MAP1B: variants seen among roughly 807,000 people sequenced by gnomAD.
MAP1B encodes microtubule associated protein 1B, also known as microtubule-associated protein 1B.
A neutral mutation model predicts 176.1 loss-of-function variants in MAP1B; 12 were observed. The observed-to-expected ratio is 0.07, with a 90% CI of 0.04 to 0.11. The LOEUF is 0.11. MAP1B is among the 10% of genes least tolerant of loss of function. The pLI is 1.00. For synonymous variants in MAP1B, 1,044 were observed against 1,135.0 expected, an observed-to-expected ratio of 0.92 and a Z score of 1.61; for missense variants, 2,523 against 2,990.5, an observed-to-expected ratio of 0.84 and a Z score of 3.65.
chr5:72,175,321 G>C (rs1318303543), intron 2 of MAP1B, among the ~76,000 whole-genome samples: 1 of 151,972 alleles, frequency 6.6e-6, no homozygotes, highest in African/African-American at 2.4e-5. Flanking sequence ...TCACCTGACA[G>C]GTTACCCCAT....
Position 72,178,637 on chromosome 5 carries a change from T to G in MAP1B, c.287-5106T>G, listed in dbSNP as rs932160134. 5.9e-5 allele frequency among the ~76,000 whole-genome samples: 9 copies of G among 152,214 alleles called. No individual in the cohort carries two copies. The East Asian group carries it at 1.4e-3, about 23-fold the overall frequency. The stretch of plus-strand genomic sequence containing the variant: ...CAGGACCCTCCTCATCATCTCCCTT[T>G]CATACTGAGTAGAAATCAGAGGCTT... On this transcript the variant is annotated intron_variant, in intron 2 of 6. Transcript: ENST00000296755.
chr5:72,204,133 T>A lies in MAP1B; in HGVS notation c.7251+332T>A, dbSNP rs1294671828. Among the ~76,000 whole-genome samples, 1 of 152,174 alleles carries A rather than the reference T, an allele frequency of 6.6e-6. No homozygotes were observed. The highest frequency in any genetic ancestry group is 2.4e-5 in the African/African-American group (1 of 41,430). On this transcript the variant is annotated intron_variant, in intron 6 of 6. Transcript: ENST00000296755. The surrounding 1 kb of genome is among the most constrained non-coding windows in gnomAD (Gnocchi z 4.4). ...GTCTTGTGTGTGTGAATCAAAGCGGTCATATTTCCATATGAGAGCTCCTGA... is the reference window on the plus strand; with the variant it reads ...GTCTTGTGTGTGTGAATCAAAGCGGACATATTTCCATATGAGAGCTCCTGA...
At chr5:72,115,862 G>T (rs530118828) in intron 2 of MAP1B, 63 bp downstream of exon 2, 1 of 1,209,664 alleles carries the variant, frequency 8.3e-7, no homozygotes, top group East Asian at 2.3e-5. Flanking sequence ...AAGCTAGAAA[G>T]CTTTGTCTGA....
intron 2 of MAP1B, among the ~76,000 whole-genome samples, chr5:72,175,967 T>A (rs1746645472): frequency 6.6e-6 from 1 of 152,254 alleles, no homozygotes; most frequent in East Asian, 1.9e-4. Flanking sequence ...AGTTTTTTTA[T>A]TCTCTTAAGA....
chr5:72,179,867 C>T (rs1257306206), intron 2 of MAP1B: 1 of 985,464 alleles, frequency 1.0e-6, no homozygotes, highest in African/African-American at 1.7e-5. Context: ...AGTTGAATTC[C>T]TGGGCAAACT....
rs1747401304 is a variant in MAP1B, at chr5:72,204,540, G to A, written c.7252-544G>A. Among the ~76,000 whole-genome samples the A allele has an allele frequency of 6.6e-6, 1 of 152,064 alleles. No homozygotes were observed. Among genetic ancestry groups the A allele is most frequent in the Admixed American group, 6.5e-5 (1 of 15,272 alleles). ...TTTAATCATATGAAATCTAATGAGA[G>A]GCACCCAGTGGCTCCCTACTGAATG... On this transcript the variant is annotated intron_variant, in intron 6 of 6. Transcript: ENST00000296755. This position sits in a 1 kb window ranked among gnomAD's most constrained non-coding sequence, Gnocchi z 4.4.
intron 5 of MAP1B, 104 bp downstream of exon 5, chr5:72,200,471 G>T: frequency 7.2e-7 from 1 of 1,384,852 alleles, no homozygotes; most frequent in Non-Finnish European, 9.8e-7. Flanking sequence ...AGATGAGGGA[G>T]CACAATTGAT....
In MAP1B at chr5:72,195,511, A is replaced by G. The variant is rs761056770; in HGVS notation, c.2156A>G (p.Lys719Arg). 4.4e-6 allele frequency: 7 copies of G among 1,588,650 alleles called. No homozygotes were observed. The highest frequency in any genetic ancestry group is 6.0e-6 in the Non-Finnish European group (7 of 1,173,854). The part of the protein sequence containing the change: ...VKKEVKKEEK[K>R]EVKKEEKEPK... The stretch of plus-strand genomic sequence containing the variant: ...AAGGAAGTTAAGAAGGAAGAGAAGA[A>G]GGAAGTGAAAAAGGAAGAAAAGGAA... Residue 719 changes from lysine (K) to arginine (R), a missense_variant, in exon 5 of 7, where the codon AAG becomes AGG. This residue lies in a region of MAP1B where 1,925 missense variants were observed against 2,126.0 expected (regional missense o/e 0.91). Transcript: ENST00000296755.
Position 72,198,597 on chromosome 5 carries a change from G to A in MAP1B, c.5242G>A (p.Asp1748Asn). ...TCAGATCGCTTCTCCTCTCCAAGAAGATACTCTATCCGATGTTGCTCCTCC... is the reference window on the plus strand; with the variant it reads ...TCAGATCGCTTCTCCTCTCCAAGAAAATACTCTATCCGATGTTGCTCCTCC... ...PSQIASPLQE[D>N]TLSDVAPPRD... The change falls in exon 5 of 7, where the codon GAT becomes AAT. Residue 1748 changes from aspartate (D) to asparagine (N), a missense_variant. By Grantham distance (23) the Asp-to-Asn change is conservative. This residue lies in a region of MAP1B where 1,925 missense variants were observed against 2,126.0 expected (regional missense o/e 0.91). Transcript: ENST00000296755. The A allele has an allele frequency of 6.2e-7, 1 of 1,614,092 alleles. No homozygotes were observed.
At chr5:72,200,840 T>G (rs1747319761) in intron 5 of MAP1B, among the ~76,000 whole-genome samples, 2 of 152,156 alleles carry the variant, frequency 1.3e-5, no homozygotes, top group South Asian at 4.2e-4. Context: ...TAAAAAAAAT[T>G]TTTTTTAAAT....
In MAP1B at chr5:72,200,206, T is replaced by G; in HGVS notation, c.6851T>G (p.Val2284Gly). 1 of 1,614,146 alleles carries G rather than the reference T, an allele frequency of 6.2e-7. No individual in the cohort carries two copies. The highest frequency in any genetic ancestry group is 8.5e-7 in the Non-Finnish European group (1 of 1,180,020). The change falls in exon 5 of 7, where the codon GTG (valine) becomes GGG (glycine). Residue 2284 changes from valine to glycine, a missense_variant. By Grantham distance (109) the Val-to-Gly change is moderately radical (BLOSUM62 -3). Transcript: ENST00000296755. The part of the protein sequence containing the change: ...PAGLKESSDK[V>G]SRVASPKKKE... Reference sequence around the variant, plus strand: ...GGCTTGAAAGAATCCTCGGATAAAGTGTCCAGGGTGGCTTCTCCTAAGAAG... The same window carrying G: ...GGCTTGAAAGAATCCTCGGATAAAGGGTCCAGGGTGGCTTCTCCTAAGAAG...
Position 72,205,393 on chromosome 5 carries a change from A to C in MAP1B, c.*154A>C, listed in dbSNP as rs1747424572. On this transcript the variant is annotated 3_prime_UTR_variant, in exon 7 of 7. Transcript: ENST00000296755. ...TGTGTCATGGTGATGCAAGTCACTAAATTTCTCAGTTTTTGCTGATTGCTA... is the reference window on the plus strand; with the variant it reads ...TGTGTCATGGTGATGCAAGTCACTACATTTCTCAGTTTTTGCTGATTGCTA... 2 of 730,842 alleles carry C rather than the reference A, an allele frequency of 2.7e-6. No homozygotes were observed. The highest frequency in any genetic ancestry group is 3.6e-5 in the African/African-American group (2 of 55,800). 45.3% of individuals were successfully genotyped at this position (730,842 alleles called of 1,614,324 possible).
chr5:72,119,853 TC>T (rs1232372388), intron 2 of MAP1B, among the ~76,000 whole-genome samples: 1 of 152,222 alleles, frequency 6.6e-6, no homozygotes, highest in African/African-American at 2.4e-5. Flanking sequence ...TTAAATACTA[TC>T]ATAAAATTTT....
chr5:72,133,680 C>T (rs968221099), intron 2 of MAP1B, among the ~76,000 whole-genome samples: 1 of 152,086 alleles, frequency 6.6e-6, no homozygotes, highest in African/African-American at 2.4e-5. Flanking sequence ...GTTTAAATAA[C>T]AATGCTTTTA....
chr5:72,204,682 C>T lies in MAP1B; in HGVS notation c.7252-402C>T, dbSNP rs1462361778. The stretch of plus-strand genomic sequence containing the variant: ...TTCTCAGGACAAAATGTTAGTTACT[C>T]ACAATGAGTGGGCTTTTGAGGGCTT... On this transcript the variant is annotated intron_variant, in intron 6 of 6. Transcript: ENST00000296755. This position sits in a 1 kb window ranked among gnomAD's most constrained non-coding sequence, Gnocchi z 4.4. Among the ~76,000 whole-genome samples the T allele has an allele frequency of 2.0e-5, 3 of 152,164 alleles. No homozygotes were observed. Among genetic ancestry groups the T allele is most frequent in the African/African-American group, 4.8e-5 (2 of 41,454 alleles).
Position 72,186,617 on chromosome 5 carries a change from C to T in MAP1B, c.373C>T (p.Arg125Cys), listed in dbSNP as rs778270951. ...PSDEAVSTEV[R>C]LMITDAARHK... is the part of the protein sequence containing the mutation. ...TACGTTCTGTGCTTTATTTCAGGTG[C>T]GCTTAATGATCACTGATGCTGCCCG... The change falls in exon 4 of 7, where the codon CGC becomes TGC. Residue 125 changes from arginine (R) to cysteine (C), a missense_variant. Coordinates refer to ENST00000296755, the MANE Select transcript of MAP1B (RefSeq NM_005909.5). The surrounding 1 kb of genome is among the most constrained non-coding windows in gnomAD (Gnocchi z 4.3). 3.1e-6 allele frequency: 5 copies of T among 1,613,940 alleles called. No homozygotes were observed. The highest frequency in any genetic ancestry group is 4.2e-6 in the Non-Finnish European group (5 of 1,180,022).
chr5:72,163,290 G>A (rs759148866), intron 2 of MAP1B, among the ~76,000 whole-genome samples: 3 of 151,430 alleles, frequency 2.0e-5, no homozygotes, highest in Non-Finnish European at 2.9e-5. Context: ...AAGACTCACT[G>A]GACATACTGT....
intron 2 of MAP1B, among the ~76,000 whole-genome samples, chr5:72,142,834 A>C (rs982724695): frequency 3.3e-5 from 5 of 152,138 alleles, no homozygotes; most frequent in Non-Finnish European, 7.4e-5. Context: ...GTAGTGCGTA[A>C]ACATTTTCGA....
At chr5:72,181,057 G>A (rs543095497) in intron 2 of MAP1B, among the ~76,000 whole-genome samples, 27 of 152,138 alleles carry the variant, frequency 1.8e-4, no homozygotes, top group Non-Finnish European at 2.2e-4. Flanking sequence ...CAGTAAAGGG[G>A]GATAATCATA....
Sources: gnomAD v4.1 joint callset for allele counts (sites outside exome capture counted in the v4.1 genomes callset) on GRCh38, gnomAD v4.1.1 for gene constraint, gnomAD v4.1.1 regional missense constraint, Gnocchi (gnomAD v3.1) non-coding constraint, MANE v1.5 for transcripts, NCBI Gene and HGNC (gene_info 2026-07-23, HGNC 2026-07-21) for gene names.